Variants in MYH2 observed in about 807,000 individuals in gnomAD.
The protein encoded by MYH2 is myosin heavy chain 2, also known as myosin-2.
Under a neutral mutation model 228.1 loss-of-function variants are expected in MYH2, and 139 were observed. The observed-to-expected ratio is 0.61, with a 90% CI of 0.53 to 0.70. The LOEUF (loss-of-function observed/expected upper bound fraction) is 0.70. Ranked by LOEUF, MYH2 falls within the 30% of genes least tolerant of loss-of-function variation. The pLI is 0.00. For synonymous variants in MYH2, 796 were observed against 871.1 expected (o/e 0.91, Z 1.52); for missense variants, 1,809 against 2,357.5 (o/e 0.77, Z 4.82).
chr17:10,541,806 G>A (rs558113559), intron 10 of MYH2, among the ~76,000 whole-genome samples: 1 of 152,246 alleles, frequency 6.6e-6, no homozygotes, highest in Non-Finnish European at 1.5e-5. Context: ...CCAGCACTTA[G>A]GAAATAGAAA....
intron 5 of MYH2, among the ~76,000 whole-genome samples, chr17:10,545,076 T>C (rs567153260): frequency 6.6e-6 from 1 of 152,246 alleles, no homozygotes; most frequent in Admixed American, 6.5e-5. Flanking sequence ...CTCATATTTA[T>C]TTGAGTTTCT....
intron 22 of MYH2, 39 bp from the exon 23 acceptor site, chr17:10,530,113 T>A (rs774018900): frequency 2.2e-5 from 35 of 1,613,770 alleles, no homozygotes; most frequent in Non-Finnish European, 2.9e-5. Context: ...GAAGAAAGAA[T>A]GAAATACTTC....
intron 9 of MYH2, 30 bp downstream of exon 9, chr17:10,543,068 A>G: frequency 6.2e-7 from 1 of 1,602,390 alleles, no homozygotes; most frequent in Non-Finnish European, 8.5e-7. Flanking sequence ...TATGAATCAG[A>G]AATGATTTTA....
rs1386070071 is a variant in MYH2 at position 10,529,857 on chromosome 17, T to C, written c.2915A>G (p.Lys972Arg). 9 of 1,613,842 alleles carry C rather than the reference T, an allele frequency of 5.6e-6. No individual in the cohort carries two copies. In the African/African-American group the frequency reaches 9.3e-5, roughly 17 times the overall value. Residue 972 changes from lysine to arginine, a missense_variant, in exon 23 of 40, where the codon AAG (lysine) becomes AGG (arginine). Physicochemically the swap from Lys to Arg is conservative, Grantham distance 26. Coordinates refer to ENST00000245503, the MANE Select transcript of MYH2 (RefSeq NM_017534.6). ...CTTGTTTTCTGTGGCATGTTTCTCC[T>C]TCTCAACCTTGGCCAGTGTCAGCTC... ...DLELTLAKVEKEKHATENKVK... is the reference protein window; with the variant it reads ...DLELTLAKVEREKHATENKVK...
Position 10,523,331 on chromosome 17 carries a change from G to A in MYH2, c.5554C>T (p.Arg1852Ter), listed in dbSNP as rs756571003. ...ACCTGGTAAGTGAGTTCCTTCACTC[G>A]CCTCTCATGTTTGCGCAGACCTTTG... ...AVKGLRKHER[R>*]VKELTYQTEE... Residue 1852 changes from arginine (R) to a stop codon, truncating the protein, a stop_gained, in exon 38 of 40, where the codon CGA (arginine) becomes TGA (stop). Transcript: ENST00000245503. LOFTEE classifies it high-confidence loss of function. The A allele has an allele frequency of 1.1e-5, 18 of 1,613,952 alleles. No homozygotes were observed. The highest frequency in any genetic ancestry group is 2.2e-5 in the South Asian group (2 of 91,080).
chr17:10,525,321 A>G lies in MYH2; in HGVS notation c.4565T>C (p.Ile1522Thr), dbSNP rs2073337384. Residue 1522 changes from isoleucine to threonine, a missense_variant, in exon 33 of 40, where the codon ATT becomes ACT. Physicochemically the swap from Ile to Thr is moderately conservative, Grantham distance 89. Transcript: ENST00000245503. The surrounding 1 kb of genome is among the most constrained non-coding windows in gnomAD (Gnocchi z 4.2). ...QQEISDLTEQ[I>T]AEGGKRIHEL... ...ATGGATACGTTTCCCTCCTTCTGCA[A>G]TCTGTTCCGTGAGGTCAGAAATCTC... 5 of 1,614,098 alleles carry G rather than the reference A, an allele frequency of 3.1e-6. No individual in the cohort carries two copies. Among genetic ancestry groups the G allele is most frequent in the Non-Finnish European group, 4.2e-6 (5 of 1,180,006 alleles).
At position 10,524,554 on chromosome 17, in the gene MYH2, G is replaced by T. The variant is rs1050339515; in HGVS notation, c.5087C>A (p.Ala1696Asp). The change falls in exon 35 of 40, where the codon GCC becomes GAC. Residue 1696 changes from alanine (A) to aspartate (D), a missense_variant. Physicochemically the swap from Ala to Asp is moderately radical, Grantham distance 126. Around this residue, in one of 9 missense-constraint regions of MYH2, gnomAD observed 278 missense variants for 308.5 expected, o/e 0.90. Transcript: ENST00000245503. The surrounding 1 kb of genome is among the most constrained non-coding windows in gnomAD (Gnocchi z 4.7). ...GCTCCTCTCTGTCTGTTCCAGAGTG[G>T]CCCGCAGCTCCTCGATCTCAGCCTG... ...LLQAEIEELR[A>D]TLEQTERSRK... 10 of 1,614,078 alleles carry T rather than the reference G, an allele frequency of 6.2e-6. No homozygotes were observed. In the African/African-American group the frequency reaches 1.3e-4, roughly 22 times the overall value.
At chr17:10,548,085 C>A in intron 2 of MYH2, 145 bp from the exon 3 acceptor site, 1 of 743,352 alleles carries the variant, frequency 1.3e-6, no homozygotes, top group Non-Finnish European at 2.2e-6. Flanking sequence ...CTGAGACAAA[C>A]ATAATCACAA....
At chr17:10,531,945 T>C (rs2073429838) in intron 21 of MYH2, 57 bp from the exon 22 acceptor site, 1 of 1,602,798 alleles carries the variant, frequency 6.2e-7, no homozygotes, top group Admixed American at 1.7e-5. Flanking sequence ...GGATGAAACC[T>C]TGGCAGTGAG....
In MYH2 at chr17:10,533,424, G is replaced by A. The variant is rs1317717541; in HGVS notation, c.2305-3C>T. 1 of 1,614,064 alleles carries A rather than the reference G, an allele frequency of 6.2e-7. No individual in the cohort carries two copies. The highest frequency in any genetic ancestry group is 8.5e-7 in the Non-Finnish European group (1 of 1,180,038). ...AGAAGACCAGCTTTGAAAAAGACCTGTGAATGGAAAGAGTTGCAAATCACA... is the reference window on the plus strand; with the variant it reads ...AGAAGACCAGCTTTGAAAAAGACCTATGAATGGAAAGAGTTGCAAATCACA... On this transcript the variant is annotated splice_region_variant and splice_polypyrimidine_tract_variant and intron_variant, in intron 20 of 39. Transcript: ENST00000245503.
In MYH2 at chr17:10,523,800, C is replaced by T. The variant is rs2073314725; in HGVS notation, c.5260G>A (p.Ala1754Thr). Residue 1754 changes from alanine to threonine, a missense_variant, in exon 36 of 40, where the codon GCC becomes ACC. Ala to Thr is a moderately conservative substitution (Grantham distance 58). This residue lies in a region of MYH2 where 278 missense variants were observed against 308.5 expected (regional missense o/e 0.90). Transcript: ENST00000245503. The stretch of plus-strand genomic sequence containing the variant: ...TTGGCCTTTTCTTCTGCATTGCGGG[C>T]TTCCTGGAGAATGTCCTCCATCTCT... ...QGEMEDILQE[A>T]RNAEEKAKKA... is the part of the protein sequence containing the mutation. 1.9e-6 allele frequency: 3 copies of T among 1,614,216 alleles called. No homozygotes were observed. Among genetic ancestry groups the T allele is most frequent in the Non-Finnish European group, 2.5e-6 (3 of 1,180,046 alleles).
In MYH2 at chr17:10,525,770, C is replaced by T. The variant is rs747081221; in HGVS notation, c.4294G>A (p.Glu1432Lys). The T allele has an allele frequency of 9.3e-6, 15 of 1,614,062 alleles. No homozygotes were observed. Among genetic ancestry groups the T allele is most frequent in the Non-Finnish European group, 1.1e-5 (13 of 1,180,016 alleles). ...KTKQRLQNEV[E>K]DLMLDVERTN... ...CTCTCCACATCAAGCATGAGGTCCT[C>T]GACCTCATTCTGCAGCCGCTGCTTC... is the stretch of plus-strand genomic sequence containing the variant. The change falls in exon 31 of 40, where the codon GAG (glutamate) becomes AAG (lysine). Residue 1432 changes from glutamate to lysine, a missense_variant. Around this residue, in one of 9 missense-constraint regions of MYH2, gnomAD observed 636 missense variants for 729.9 expected, o/e 0.87. Coordinates refer to ENST00000245503, the MANE Select transcript of MYH2 (RefSeq NM_017534.6). The surrounding 1 kb of genome is among the most constrained non-coding windows in gnomAD (Gnocchi z 4.2).
chr17:10,537,770 G>A lies in MYH2; in HGVS notation c.1482C>T (p.His494=), dbSNP rs370930361. 1.9e-6 allele frequency: 3 copies of A among 1,614,080 alleles called. No individual in the cohort carries two copies. Among genetic ancestry groups the A allele is most frequent in the African/African-American group, 2.7e-5 (2 of 74,934 alleles). ...TNEKLQQFFN[H]HMFVLEQEEY... ...CCTCCTGCTCCAGCACGAACATGTGGTGGTTGAAAAACTGTTGCAGTTTCT... is the reference window on the plus strand; with the variant it reads ...CCTCCTGCTCCAGCACGAACATGTGATGGTTGAAAAACTGTTGCAGTTTCT... Residue 494 remains histidine, a synonymous_variant, in exon 15 of 40, where the codon CAC becomes CAT. Coordinates refer to ENST00000245503, the MANE Select transcript of MYH2 (RefSeq NM_017534.6). The surrounding 1 kb of genome is among the most constrained non-coding windows in gnomAD (Gnocchi z 4.0).
intron 22 of MYH2, 77 bp from the exon 23 acceptor site, chr17:10,530,151 A>G: frequency 1.2e-6 from 2 of 1,610,342 alleles, no homozygotes; most frequent in South Asian, 1.1e-5. Context: ...ATGTTTCTGC[A>G]TTTGATCTTT....
At chr17:10,546,471 A>T (rs1211533574) in intron 4 of MYH2, among the ~76,000 whole-genome samples, 2 of 151,878 alleles carry the variant, frequency 1.3e-5, no homozygotes, top group Non-Finnish European at 2.9e-5. Flanking sequence ...AATTTGATTT[A>T]AAAATATTTA....
chr17:10,540,182 A>T, intron 11 of MYH2, 116 bp from the exon 12 acceptor site: 2 of 1,411,158 alleles, frequency 1.4e-6, no homozygotes, highest in South Asian at 2.3e-5. Context: ...GAGACAAGGA[A>T]CCCCTTAGAT....
In MYH2 at chr17:10,547,946, G is replaced by C; in HGVS notation, c.-20-6C>G. On this transcript the variant is annotated splice_polypyrimidine_tract_variant and splice_region_variant and intron_variant, in intron 2 of 39. Coordinates refer to ENST00000245503, the MANE Select transcript of MYH2 (RefSeq NM_017534.6). ...GGCTGCTGAACTCAGAGGTCCTAAA[G>C]GAGATAAAACTTTCACATTAGAGAG... 2 of 1,611,448 alleles carry C rather than the reference G, an allele frequency of 1.2e-6. No homozygotes were observed. Among genetic ancestry groups the C allele is most frequent in the Non-Finnish European group, 1.7e-6 (2 of 1,177,886 alleles).
intron 4 of MYH2, among the ~76,000 whole-genome samples, chr17:10,546,910 T>C (rs1244435994): frequency 6.7e-6 from 1 of 148,444 alleles, no homozygotes; most frequent in East Asian, 2.1e-4. Context: ...TGAAACTCTG[T>C]CTCTGCTAAA....
chr17:10,544,811 C>T (rs376515593), intron 5 of MYH2, among the ~76,000 whole-genome samples: 1 of 152,104 alleles, frequency 6.6e-6, no homozygotes, highest in Admixed American at 6.6e-5. Context: ...GTTTTAATAC[C>T]AAATACACCT....
Sources: allele counts gnomAD v4.1 joint callset (sites outside exome capture counted in the v4.1 genomes callset), GRCh38; gene constraint gnomAD v4.1.1; regional missense constraint gnomAD v4.1.1; non-coding constraint Gnocchi (gnomAD v3.1); transcripts MANE v1.5; gene names NCBI Gene and HGNC (gene_info 2026-07-23, HGNC 2026-07-21).